CRBN: variants seen among roughly 807,000 people sequenced by gnomAD.
The protein encoded by CRBN is protein cereblon.
CRBN carries 53 observed loss-of-function variants against 62.2 expected under a neutral mutation model. The observed-to-expected ratio is 0.85, with a 90% CI of 0.68 to 1.07. The LOEUF is 1.07. CRBN is among the 50% of genes least tolerant of loss of function. CRBN has a pLI of 0.00. For synonymous variants in CRBN, 208 were observed against 176.1 expected (o/e 1.18, Z -1.43); for missense variants, 616 against 531.1 (o/e 1.16, Z -1.57).
At position 3,150,512 on chromosome 3, in the gene CRBN, T is replaced by G; in HGVS notation, c.*353A>C. 1 of 209,004 alleles carries G rather than the reference T, an allele frequency of 4.8e-6. No individual in the cohort carries two copies. Among genetic ancestry groups the G allele is most frequent in the Non-Finnish European group, 9.5e-6 (1 of 105,242 alleles). The allele number at this position is 209,004 out of a possible 1,614,324, so 12.9% of individuals were successfully genotyped here. A position where few individuals can be genotyped will look rare whatever the true frequency, so the allele number is the denominator to read the frequency against. ...TAGTTTCAGTTTCACATTGTAGGAATTTAAGATTTTTTTTTTTTTTAACAC... is the reference window on the plus strand; with the variant it reads ...TAGTTTCAGTTTCACATTGTAGGAAGTTAAGATTTTTTTTTTTTTTAACAC... On this transcript the variant is annotated 3_prime_UTR_variant, in exon 11 of 11. Transcript: ENST00000231948.
intron 4 of CRBN, among the ~76,000 whole-genome samples, chr3:3,171,772 G>T (rs1707626994): frequency 6.6e-6 from 1 of 152,074 alleles, no homozygotes; most frequent in Non-Finnish European, 1.5e-5. Context: ...TGTTTTTTCA[G>T]TCTTAATCCC....
In CRBN at chr3:3,167,832, G is replaced by A. The variant is rs757665028; in HGVS notation, c.528-39C>T. The A allele has an allele frequency of 1.1e-5, 17 of 1,593,196 alleles. No homozygotes were observed. In the East Asian group the frequency reaches 3.6e-4, roughly 34 times the overall value. ...AACCAAGCATGGTATTCATTTCTAA[G>A]ATTGACTAACTCAAAACTATAAGTT... On this transcript the variant is annotated intron_variant, in intron 4 of 10. Coordinates refer to ENST00000231948, the MANE Select transcript of CRBN (RefSeq NM_016302.4).
chr3:3,172,947 G>C (rs776828496), intron 3 of CRBN, 22 bp from the exon 4 acceptor site: 2 of 1,607,640 alleles, frequency 1.2e-6, no homozygotes, highest in African/African-American at 2.7e-5. Context: ...ATTTTAAAAG[G>C]AAAGAATTTT....
rs989936088 is a variant in CRBN, at chr3:3,150,189, A to G, written c.*676T>C. The G allele has an allele frequency of 6.6e-6, 1 of 152,228 alleles. No homozygotes were observed. Among genetic ancestry groups the G allele is most frequent in the East Asian group, 1.9e-4 (1 of 5,200 alleles). 9.4% of individuals were successfully genotyped at this position (152,228 alleles called of 1,614,324 possible). On this transcript the variant is annotated 3_prime_UTR_variant, in exon 11 of 11. Coordinates refer to ENST00000231948, the MANE Select transcript of CRBN (RefSeq NM_016302.4). ...ATAGCTTTTGTATGGAACAGTATAA[A>G]TGGGCTTATAGTTCAGATACTGAGC...
Position 3,179,665 on chromosome 3 carries a change from T to G in CRBN, c.23A>C (p.Gln8Pro), listed in dbSNP as rs147395766. 4 of 1,613,038 alleles carry G rather than the reference T, an allele frequency of 2.5e-6. No homozygotes were observed. The East Asian group carries it at 6.7e-5, about 27-fold the overall frequency. The change falls in exon 1 of 11, where the codon CAG (glutamine) becomes CCG (proline). Residue 8 changes from glutamine to proline, a missense_variant. Coordinates refer to ENST00000231948, the MANE Select transcript of CRBN (RefSeq NM_016302.4). Reference sequence around the variant, plus strand: ...GTTGCCCATGTTGTGCGCAGCGTCCTGCTGATCTCCTTCGCCGGCCATGTC... The same window carrying G: ...GTTGCCCATGTTGTGCGCAGCGTCCGGCTGATCTCCTTCGCCGGCCATGTC... Reference protein sequence around the residue: MAGEGDQQDAAHNMGNHL... With the variant: MAGEGDQPDAAHNMGNHL...
At chr3:3,170,569 A>G (rs756254882) in intron 4 of CRBN, among the ~76,000 whole-genome samples, 35 of 152,164 alleles carry the variant, frequency 2.3e-4, no homozygotes, top group Non-Finnish European at 4.4e-4. Flanking sequence ...TGGCATTCTG[A>G]TACAGAAAAA....
intron 1 of CRBN, among the ~76,000 whole-genome samples, chr3:3,178,077 A>C (rs1707901385): frequency 6.6e-6 from 1 of 152,132 alleles, no homozygotes; most frequent in Non-Finnish European, 1.5e-5. Flanking sequence ...AAGTCTGATG[A>C]CTCATCTCAT....
chr3:3,161,580 G>A (rs2126060251), intron 5 of CRBN, among the ~76,000 whole-genome samples: 1 of 152,170 alleles, frequency 6.6e-6, no homozygotes, highest in Non-Finnish European at 1.5e-5. Flanking sequence ...GTAGAGACGG[G>A]GTTTCACCAT....
At chr3:3,174,687 TAAAC>T (rs1319317354) in intron 2 of CRBN, among the ~76,000 whole-genome samples, 6 of 22,562 alleles carry the variant, frequency 2.7e-4, no homozygotes, top group East Asian at 7.1e-4. Context: ...AAACACTTAA[TAAAC>T]GTGGTATATA....
chr3:3,152,017 G>C (rs1334864585), intron 10 of CRBN, among the ~76,000 whole-genome samples: 1 of 152,068 alleles, frequency 6.6e-6, no homozygotes, highest in African/African-American at 2.4e-5. Flanking sequence ...AAACAATTTT[G>C]GATTTAACTG....
Position 3,153,441 on chromosome 3 carries a change from G to T in CRBN, c.999C>A (p.Thr333=). The T allele has an allele frequency of 6.4e-7, 1 of 1,558,208 alleles. No homozygotes were observed. The highest frequency in any genetic ancestry group is 8.9e-7 in the Non-Finnish European group (1 of 1,129,532). Residue 333 remains threonine (T), a synonymous_variant, in exon 9 of 11, where the codon ACC becomes ACA. Transcript: ENST00000231948. ...CKQCQETEIT[T]KNEIFSLSLC... Reference sequence around the variant, plus strand: ...GACCTTACCTGAATATTTCATTTTTGGTTGTTATTTCTGTTTCTTGACATT... The same window carrying T: ...GACCTTACCTGAATATTTCATTTTTTGTTGTTATTTCTGTTTCTTGACATT...
At chr3:3,165,866 G>A (rs898411011) in intron 5 of CRBN, among the ~76,000 whole-genome samples, 5 of 152,076 alleles carry the variant, frequency 3.3e-5, no homozygotes, top group Admixed American at 6.6e-5. Context: ...ACCTTGCCAC[G>A]TATTTCAGTA....
chr3:3,161,950 G>A (rs1037933843), intron 5 of CRBN, among the ~76,000 whole-genome samples: 9 of 152,168 alleles, frequency 5.9e-5, no homozygotes, highest in Non-Finnish European at 8.8e-5. Context: ...AAAAAGGTAC[G>A]TATCCTTCTG....
Position 3,153,449 on chromosome 3 carries a change from T to C in CRBN, c.991A>G (p.Ile331Val), listed in dbSNP as rs755596263. The C allele has an allele frequency of 2.5e-6, 4 of 1,569,776 alleles. No homozygotes were observed. The highest frequency in any genetic ancestry group is 3.5e-6 in the Non-Finnish European group (4 of 1,139,834). The change falls in exon 9 of 11, where the codon ATA (isoleucine) becomes GTA (valine). Residue 331 changes from isoleucine (I) to valine (V), a missense_variant. Ile to Val is a conservative substitution (Grantham distance 29, BLOSUM62 3). Transcript: ENST00000231948. The part of the protein sequence containing the change: ...LCCKQCQETE[I>V]TTKNEIFSLS... Reference sequence around the variant, plus strand: ...CTGAATATTTCATTTTTGGTTGTTATTTCTGTTTCTTGACATTGTTTACAG... The same window carrying C: ...CTGAATATTTCATTTTTGGTTGTTACTTCTGTTTCTTGACATTGTTTACAG...
chr3:3,174,416 G>T (rs374407004), intron 2 of CRBN, among the ~76,000 whole-genome samples, 155 bp from the exon 3 acceptor site: 1 of 152,092 alleles, frequency 6.6e-6, no homozygotes, highest in African/African-American at 2.4e-5. Flanking sequence ...CGAGGTAGGC[G>T]GATCACCTGA....
rs763201952 is a variant in CRBN at position 3,174,085 on chromosome 3, A to T, written c.351T>A (p.Asp117Glu). 6.2e-7 allele frequency: 1 copy of T among 1,614,160 alleles called. No homozygotes were observed. Among genetic ancestry groups the T allele is most frequent in the Non-Finnish European group, 8.5e-7 (1 of 1,180,006 alleles). ...TGTATGCAAGAACAGCAAAGGTTCT[A>T]TCTTTCTGAATTAAATTCCGCACCA... ...VSMVRNLIQK[D>E]RTFAVLAYSN... The change falls in exon 3 of 11, where the codon GAT becomes GAA. Residue 117 changes from aspartate to glutamate, a missense_variant. Physicochemically the swap from Asp to Glu is conservative, Grantham distance 45. Coordinates refer to ENST00000231948, the MANE Select transcript of CRBN (RefSeq NM_016302.4).
intron 6 of CRBN, chr3:3,155,159 A>G (rs1017788995): frequency 9.6e-6 from 3 of 311,152 alleles, no homozygotes; most frequent in Admixed American, 9.2e-5. Context: ...GACCCAGTCC[A>G]TAGGGATTAT....
intron 5 of CRBN, among the ~76,000 whole-genome samples, chr3:3,163,890 A>G (rs1027157807): frequency 2.0e-5 from 3 of 152,216 alleles, no homozygotes; most frequent in African/African-American, 7.2e-5. Context: ...CCATTTTTCC[A>G]ACAGCATGTG....
chr3:3,154,922 G>A, intron 6 of CRBN, 91 bp from the exon 7 acceptor site: 1 of 775,898 alleles, frequency 1.3e-6, no homozygotes, highest in East Asian at 2.5e-5. Context: ...AACACTGGTA[G>A]CAATTTAATC....
Sources: allele counts gnomAD v4.1 joint callset (sites outside exome capture counted in the v4.1 genomes callset), GRCh38; gene constraint gnomAD v4.1.1; transcripts MANE v1.5; gene names NCBI Gene and HGNC (gene_info 2026-07-23, HGNC 2026-07-21).